The following NKTR variants were observed in gnomAD, a reference collection of about 807,000 sequenced individuals.
NKTR encodes NK-tumor recognition protein.
In NKTR, 67 loss-of-function variants were observed where a neutral mutation model predicts 156.3. The observed-to-expected ratio is 0.43, with a 90% CI of 0.35 to 0.53. The LOEUF (loss-of-function observed/expected upper bound fraction) is 0.53, where lower values mean the gene tolerates loss of function less well. NKTR is among the 20% of genes least tolerant of loss of function. The probability of loss-of-function intolerance (pLI) is 0.01; values close to 1 mark genes in which losing one functional copy is unlikely to be tolerated. For missense variants in NKTR, 1,604 were observed against 1,730.9 expected (o/e 0.93, Z 1.30); for synonymous variants, 640 against 596.6 (o/e 1.07, Z -1.06).
chr3:42,638,343 A>T lies in NKTR; in HGVS notation c.2639A>T (p.Tyr880Phe). The change falls in exon 13 of 17, where the codon TAT becomes TTT. Residue 880 changes from tyrosine (Y) to phenylalanine (F), a missense_variant. This residue lies in a region of NKTR where 1,255 missense variants were observed against 1,243.7 expected (regional missense o/e 1.01). Transcript: ENST00000232978. ...RNGSKPKRKN[Y>F]AGSKWDSESN... ...GGCAGTAAGCCCAAAAGGAAGAATT[A>T]TGCTGGTAGTAAATGGGACTCTGAG... The T allele has an allele frequency of 6.2e-7, 1 of 1,612,654 alleles. No individual in the cohort carries two copies. The highest frequency in any genetic ancestry group is 8.5e-7 in the Non-Finnish European group (1 of 1,179,592).
At chr3:42,605,407 A>G (rs1443122695) in intron 2 of NKTR, among the ~76,000 whole-genome samples, 1 of 152,232 alleles carries the variant, frequency 6.6e-6, no homozygotes, top group South Asian at 2.1e-4. Context: ...ATGTGTTTTT[A>G]GCAAACATTG....
intron 2 of NKTR, among the ~76,000 whole-genome samples, chr3:42,606,354 TTTG>T (rs1706233601): frequency 6.6e-6 from 1 of 152,250 alleles, no homozygotes; most frequent in South Asian, 2.1e-4. Context: ...GCAGTCTGTA[TTTG>T]TTAAGTATAT....
At chr3:42,601,974 A>G (rs1339830613) in intron 2 of NKTR, 4 of 152,200 alleles carry the variant, frequency 2.6e-5, no homozygotes, top group African/African-American at 4.8e-5. Context: ...TAGTTGGGAT[A>G]CTATTTTAAT....
At chr3:42,629,210 G>C (rs1279172502) in intron 6 of NKTR, 2 of 984,716 alleles carry the variant, frequency 2.0e-6, no homozygotes, top group African/African-American at 3.5e-5. Context: ...TCACTAGATA[G>C]TTTTTGTTCT....
intron 9 of NKTR, 115 bp from the exon 10 acceptor site, chr3:42,633,465 G>A: frequency 6.9e-7 from 1 of 1,450,310 alleles, no homozygotes; most frequent in East Asian, 2.5e-5. Flanking sequence ...ACTCTTTTGA[G>A]TGAGACTTGT....
intron 2 of NKTR, among the ~76,000 whole-genome samples, chr3:42,609,272 G>A (rs538001333): frequency 4.9e-4 from 74 of 152,312 alleles, no homozygotes; most frequent in African/African-American, 1.8e-3. Flanking sequence ...GAGGTCAAAT[G>A]TAATGTTTCA....
rs765589687 is a variant in NKTR, at chr3:42,639,756, C to G, written c.4046+6C>G. 13 of 1,573,194 alleles carry G rather than the reference C, an allele frequency of 8.3e-6. No homozygotes were observed. The South Asian group carries it at 1.4e-4, about 17-fold the overall frequency. On this transcript the variant is annotated splice_donor_region_variant and intron_variant, in intron 13 of 16. Transcript: ENST00000232978. ...AGTTCCACATCATCTTATCGGTGAG[C>G]AATATTCTCTTTCCTTTCTTCTCCC... is the stretch of plus-strand genomic sequence containing the variant.
In NKTR at chr3:42,639,342, T is replaced by C. The variant is rs760445551; in HGVS notation, c.3638T>C (p.Val1213Ala). ...GGAGAAAGTACCGGGAAGAAGGAGG[T>C]GGCTGAGAAGAGCCAGATCAACCTC... ...SAGESTGKKE[V>A]AEKSQINLID... Residue 1213 changes from valine (V) to alanine (A), a missense_variant, in exon 13 of 17, where the codon GTG becomes GCG. By Grantham distance (64) the Val-to-Ala change is moderately conservative. This residue lies in a region of NKTR where 1,255 missense variants were observed against 1,243.7 expected (regional missense o/e 1.01). Coordinates refer to ENST00000232978, the MANE Select transcript of NKTR (RefSeq NM_005385.4). The C allele has an allele frequency of 1.2e-6, 2 of 1,613,074 alleles. No individual in the cohort carries two copies. The highest frequency in any genetic ancestry group is 2.2e-5 in the East Asian group (1 of 44,854).
At chr3:42,643,720 A>T in intron 15 of NKTR, 182 bp from the exon 16 acceptor site, 1 of 686,520 alleles carries the variant, frequency 1.5e-6, no homozygotes, top group Non-Finnish European at 2.6e-6. Flanking sequence ...CTCTTTAATT[A>T]TGGTAAGTCT....
chr3:42,607,969 CTTTTTTTT>C (rs201803926), intron 2 of NKTR, among the ~76,000 whole-genome samples: 14 of 74,942 alleles, frequency 1.9e-4, no homozygotes, highest in African/African-American at 4.2e-4. Context: ...CTGAGTCGCT[CTTTTTTTT>C]TTTTTTTTTT....
chr3:42,618,241 C>T (rs1476744228), intron 3 of NKTR, among the ~76,000 whole-genome samples: 1 of 151,130 alleles, frequency 6.6e-6, no homozygotes, highest in African/African-American at 2.4e-5. Context: ...ATCCCAGCTA[C>T]TCAGGAGGCT....
rs796657249 is a variant in NKTR at position 42,647,303 on chromosome 3, G to GTGTGTGTGTGTGTGTT, written c.*1329_*1330insGTGTGTGTGTGTGTTT. 2.0e-5 allele frequency: 2 copies of GTGTGTGTGTGTGTGTT among 101,260 alleles called. No homozygotes were observed. Among genetic ancestry groups the GTGTGTGTGTGTGTGTT allele is most frequent in the African/African-American group, 3.9e-5 (1 of 25,912 alleles). The allele number at this position is 101,260 out of a possible 1,614,324, so 6.3% of individuals were successfully genotyped here. On this transcript the variant is annotated 3_prime_UTR_variant, in exon 17 of 17. Transcript: ENST00000232978. ...GTGTGTGTGTGTGTGTGTGTGTGTG[G>GTGTGTGTGTGTGTGTT]TTTTTTTTTTTAATCTTTACTTTGA...
chr3:42,631,974 T>C (rs1404770161), intron 8 of NKTR, among the ~76,000 whole-genome samples: 3 of 152,188 alleles, frequency 2.0e-5, no homozygotes, highest in Non-Finnish European at 4.4e-5. Flanking sequence ...TCAAATGTTA[T>C]GTTAAACTAC....
At chr3:42,644,333 C>T (rs1313539220) in intron 16 of NKTR, among the ~76,000 whole-genome samples, 2 of 151,998 alleles carry the variant, frequency 1.3e-5, no homozygotes, top group East Asian at 3.9e-4. Flanking sequence ...CACTTGCTAG[C>T]AGTAGCCAGT....
chr3:42,609,765 T>G (rs1706584304), intron 2 of NKTR, among the ~76,000 whole-genome samples: 1 of 152,232 alleles, frequency 6.6e-6, no homozygotes, highest in Non-Finnish European at 1.5e-5. Context: ...TCCTATACTC[T>G]TATGGTTATG....
At chr3:42,617,142 A>G (rs747879399) in intron 2 of NKTR, among the ~76,000 whole-genome samples, 10 of 152,162 alleles carry the variant, frequency 6.6e-5, no homozygotes, top group African/African-American at 9.7e-5. Context: ...GCTGAAAATA[A>G]AGAGACAGAG....
chr3:42,614,373 A>G (rs907092159), intron 2 of NKTR, among the ~76,000 whole-genome samples: 2 of 151,592 alleles, frequency 1.3e-5, no homozygotes, highest in African/African-American at 4.9e-5. Flanking sequence ...TTTTGTAATC[A>G]TAGTTTATGC....
intron 2 of NKTR, among the ~76,000 whole-genome samples, chr3:42,605,547 A>G (rs1430633657): frequency 6.6e-6 from 1 of 152,206 alleles, no homozygotes; most frequent in African/African-American, 2.4e-5. Flanking sequence ...GAACTACTAT[A>G]CAGTTTTGTT....
At chr3:42,602,032 A>G (rs903015166) in intron 2 of NKTR, 3 of 152,266 alleles carry the variant, frequency 2.0e-5, no homozygotes, top group Admixed American at 6.5e-5. Flanking sequence ...TTAAGCAGGT[A>G]TCAGAAGGAG....
Sources: allele counts gnomAD v4.1 joint callset (sites outside exome capture counted in the v4.1 genomes callset), GRCh38; gene constraint gnomAD v4.1.1; regional missense constraint gnomAD v4.1.1; transcripts MANE v1.5; gene names NCBI Gene and HGNC (gene_info 2026-07-23, HGNC 2026-07-21).